The following DAB1 variants were observed in gnomAD, a reference collection of about 807,000 sequenced individuals.
DAB1 encodes DAB adaptor protein 1, also known as disabled homolog 1.
DAB1 carries 15 observed loss-of-function variants against 64.6 expected under a neutral mutation model. That is an observed-to-expected ratio of 0.23 (90% CI 0.16 to 0.36). The LOEUF is 0.36. Among genes scored for constraint, DAB1 ranks in the 10% least tolerant of loss-of-function variants. DAB1 has a pLI of 1.00. For synonymous variants in DAB1, 235 were observed against 251.9 expected (o/e 0.93, Z 0.64); for missense variants, 596 against 706.7 (o/e 0.84, Z 1.78).
intron 3 of DAB1, among the ~76,000 whole-genome samples, chr1:58,498,977 T>C (rs963101079): frequency 3.3e-5 from 5 of 152,126 alleles, no homozygotes; most frequent in Non-Finnish European, 7.4e-5. Flanking sequence ...AATTATCCTC[T>C]GGAATGATAA....
chr1:57,603,596 G>A (rs1645601273), intron 7 of DAB1, among the ~76,000 whole-genome samples: 1 of 152,206 alleles, frequency 6.6e-6, no homozygotes, highest in Non-Finnish European at 1.5e-5. Flanking sequence ...GAAGTGCCCT[G>A]ATCCTGCAGT....
In DAB1 at chr1:57,759,669, A is replaced by G. The variant is rs181328153; in HGVS notation, n.552-110004T>C. On this transcript the variant is annotated intron_variant and non_coding_transcript_variant, in intron 6 of 20. Coordinates refer to the DAB1 transcript ENST00000485760. ...GAGGTGGTTTTCAGCAGAGGAATTA[A>G]ATGACCAGATTAACATTCTACAGGA... Among the ~76,000 whole-genome samples the G allele has an allele frequency of 2.3e-3, 356 of 152,264 alleles. 3 individuals carry two copies. The Middle Eastern group carries it at 0.044, about 19-fold the overall frequency.
At chr1:57,671,762 C>T (rs1646512771) in intron 6 of DAB1, among the ~76,000 whole-genome samples, 1 of 152,020 alleles carries the variant, frequency 6.6e-6, no homozygotes, top group Non-Finnish European at 1.5e-5. Flanking sequence ...TTTACCTTCC[C>T]TGTACAGCCT....
At chr1:57,423,569 G>A (rs1685099113) in intron 1 of DAB1, among the ~76,000 whole-genome samples, 1 of 151,990 alleles carries the variant, frequency 6.6e-6, no homozygotes, top group Admixed American at 6.6e-5. Flanking sequence ...ATATAGCCAG[G>A]ACCGCAGGAG....
chr1:58,027,462 T>C (rs1646911023), intron 5 of DAB1, among the ~76,000 whole-genome samples: 1 of 152,238 alleles, frequency 6.6e-6, no homozygotes, highest in Non-Finnish European at 1.5e-5. Context: ...AGTGGCTGAC[T>C]TGTTTCTTTA....
At chr1:57,540,015 G>T (rs1450679413) in intron 7 of DAB1, among the ~76,000 whole-genome samples, 1 of 152,182 alleles carries the variant, frequency 6.6e-6, no homozygotes, top group Non-Finnish European at 1.5e-5. Flanking sequence ...GAGGCCCAAA[G>T]TGTTGACAAG....
chr1:57,311,279 G>A (rs556514711), intron 1 of DAB1, among the ~76,000 whole-genome samples: 1 of 152,020 alleles, frequency 6.6e-6, no homozygotes. Context: ...TCCCACGTGG[G>A]GACAAAGCTC....
intron 1 of DAB1, among the ~76,000 whole-genome samples, chr1:57,421,737 C>G (rs1001094941): frequency 1.4e-4 from 22 of 152,004 alleles, no homozygotes; most frequent in African/African-American, 5.1e-4. Flanking sequence ...GGGTTTCAAT[C>G]AAGGACATCA....
chr1:57,907,360 A>G (rs1314846128), intron 5 of DAB1, among the ~76,000 whole-genome samples: 1 of 152,134 alleles, frequency 6.6e-6, no homozygotes, highest in African/African-American at 2.4e-5. Flanking sequence ...AGAACTGACC[A>G]TGTGGTAACC....
chr1:58,409,346 C>T (rs905647452), intron 3 of DAB1, among the ~76,000 whole-genome samples: 1 of 152,074 alleles, frequency 6.6e-6, no homozygotes, highest in African/African-American at 2.4e-5. Context: ...AGCACTTCTG[C>T]TCAAAAAAAT....
chr1:57,595,109 A>G lies in DAB1; in HGVS notation n.625+54483T>C, dbSNP rs949127721. Among the ~76,000 whole-genome samples, 5 of 152,290 alleles carry G rather than the reference A, an allele frequency of 3.3e-5. No homozygotes were observed. The South Asian group carries it at 8.3e-4, about 25-fold the overall frequency. ...CCATTTCTACCCACTTCCATTAAGT[A>G]AATACTGAAAAACTGTATTTTGAAT... On this transcript the variant is annotated intron_variant and non_coding_transcript_variant, in intron 7 of 20. Coordinates refer to the DAB1 transcript ENST00000485760.
At chr1:58,194,307 T>G (rs1657551590) in intron 4 of DAB1, among the ~76,000 whole-genome samples, 1 of 152,206 alleles carries the variant, frequency 6.6e-6, no homozygotes, top group African/African-American at 2.4e-5. Context: ...TCTGAGCCTA[T>G]AAAATACAAA....
At chr1:58,225,690 T>C (rs183484266) in intron 4 of DAB1, among the ~76,000 whole-genome samples, 22 of 151,740 alleles carry the variant, frequency 1.4e-4, no homozygotes, top group African/African-American at 4.8e-4. Context: ...GAAACCATCA[T>C]TCTCAGCAAA....
intron 5 of DAB1, among the ~76,000 whole-genome samples, chr1:57,954,436 C>T (rs183138709): frequency 1.8e-3 from 271 of 152,206 alleles, no homozygotes; most frequent in African/African-American, 6.2e-3. Flanking sequence ...GGTGATGATG[C>T]CTAGGAAGTG....
At chr1:58,442,184 A>C (rs142791473) in intron 3 of DAB1, among the ~76,000 whole-genome samples, 4 of 152,328 alleles carry the variant, frequency 2.6e-5, no homozygotes, top group African/African-American at 7.2e-5. Flanking sequence ...TGTGTGCATG[A>C]ATGCACATGT....
intron 1 of DAB1, among the ~76,000 whole-genome samples, chr1:57,385,027 G>A (rs1681693970): frequency 6.6e-6 from 1 of 152,148 alleles, no homozygotes; most frequent in South Asian, 2.1e-4. Flanking sequence ...GAAGCAATAG[G>A]TTATACAGAA....
At chr1:57,960,394 G>A (rs1645489144) in intron 5 of DAB1, among the ~76,000 whole-genome samples, 2 of 151,746 alleles carry the variant, frequency 1.3e-5, no homozygotes, top group Admixed American at 1.3e-4. Flanking sequence ...TGATGGACAT[G>A]ACATGGTGCT....
At chr1:57,442,594 G>T (rs994885969) in intron 7 of DAB1, among the ~76,000 whole-genome samples, 1 of 151,976 alleles carries the variant, frequency 6.6e-6, no homozygotes, top group Non-Finnish European at 1.5e-5. Context: ...ACATTTACTT[G>T]GTTGGCATAT....
At chr1:58,297,092 T>C (rs1557725094) in intron 4 of DAB1, among the ~76,000 whole-genome samples, 2 of 152,310 alleles carry the variant, frequency 1.3e-5, no homozygotes, top group South Asian at 4.1e-4. Context: ...CTCAACAACC[T>C]TGCAAGGTAA....
Sources: gnomAD v4.1 joint callset for allele counts (sites outside exome capture counted in the v4.1 genomes callset) on GRCh38, gnomAD v4.1.1 for gene constraint, MANE v1.5 for transcripts, NCBI Gene and HGNC (gene_info 2026-07-23, HGNC 2026-07-21) for gene names.